The following FAM237A variants were observed in gnomAD, a reference collection of about 807,000 sequenced individuals.
FAM237A encodes the protein protein FAM237A.
In FAM237A, 14 loss-of-function variants were observed where a neutral mutation model predicts 12.5. The observed-to-expected ratio is 1.12, with a 90% CI of 0.74 to 1.75. The LOEUF (loss-of-function observed/expected upper bound fraction) is 1.75, where lower values mean the gene tolerates loss of function less well. FAM237A is among the 40% of genes most tolerant of loss of function. FAM237A has a pLI of 0.00. For missense variants in FAM237A, 240 were observed against 211.7 expected (o/e 1.13, Z -0.83); for synonymous variants, 85 against 77.5 (o/e 1.10, Z -0.51).
rs532883258 is a variant in FAM237A, at chr2:206,643,344, C to A, written c.-11+762C>A. The A allele has an allele frequency of 5.3e-5, 8 of 152,210 alleles. No homozygotes were observed. In the East Asian group the frequency reaches 1.5e-3, roughly 29 times the overall value. The allele number at this position is 152,210 out of a possible 1,614,324, so 9.4% of individuals were successfully genotyped here. A position where few individuals can be genotyped will look rare whatever the true frequency, so the allele number is the denominator to read the frequency against. On this transcript the variant is annotated intron_variant, in intron 1 of 2. Coordinates refer to ENST00000441223, the MANE Select transcript of FAM237A (RefSeq NM_001102659.3). ...TATAGTCTGTGAAGGAATATATACACTTTTTCTGGCAAAAAAAGTGAACAT... is the reference window on the plus strand; with the variant it reads ...TATAGTCTGTGAAGGAATATATACAATTTTTCTGGCAAAAAAAGTGAACAT...
At position 206,644,658 on chromosome 2, in the gene FAM237A, C is replaced by A; in HGVS notation, c.412+10C>A. 1 of 1,539,050 alleles carries A rather than the reference C, an allele frequency of 6.5e-7. No homozygotes were observed. The highest frequency in any genetic ancestry group is 8.7e-7 in the Non-Finnish European group (1 of 1,147,796). On this transcript the variant is annotated intron_variant, in intron 2 of 2. Coordinates refer to ENST00000441223, the MANE Select transcript of FAM237A (RefSeq NM_001102659.3). Reference sequence around the variant, plus strand: ...ACAAGGAGTAAACAAGGTGGTCAACCCCAGCTCCCATGTCTTTTGAAAGGG... The same window carrying A: ...ACAAGGAGTAAACAAGGTGGTCAACACCAGCTCCCATGTCTTTTGAAAGGG...
At chr2:206,646,154 T>A (rs527552144) in intron 2 of FAM237A, among the ~76,000 whole-genome samples, 1 of 152,104 alleles carries the variant, frequency 6.6e-6, no homozygotes, top group East Asian at 1.9e-4. Flanking sequence ...TACAAAAAAA[T>A]TAGCCGGATG....
Position 206,649,091 on chromosome 2 carries a change from T to C in FAM237A, c.*297T>C, listed in dbSNP as rs72958643. On this transcript the variant is annotated 3_prime_UTR_variant, in exon 3 of 3. Transcript: ENST00000441223. ...CTTTGTATTCATTTAATAGTTCATT[T>C]TGGGATGCTTGACATGTTAATAAAC... is the stretch of plus-strand genomic sequence containing the variant. 9,795 of 164,126 alleles carry C rather than the reference T, an allele frequency of 0.06. 396 individuals are homozygous for C. The highest frequency in any genetic ancestry group is 0.13 in the Admixed American group (2,106 of 15,610). 10.2% of individuals were successfully genotyped at this position (164,126 alleles called of 1,614,324 possible). A position where few individuals can be genotyped will look rare whatever the true frequency, so the allele number is the denominator to read the frequency against.
intron 1 of FAM237A, among the ~76,000 whole-genome samples, chr2:206,643,828 C>T (rs1449284532): frequency 3.3e-5 from 5 of 151,988 alleles, no homozygotes; most frequent in Non-Finnish European, 7.4e-5. Flanking sequence ...ATATATAAGT[C>T]CTAGATTAGG....
chr2:206,648,965 T>C lies in FAM237A; in HGVS notation c.*171T>C. The C allele has an allele frequency of 5.3e-6, 2 of 377,810 alleles. No homozygotes were observed. The allele number at this position is 377,810 out of a possible 1,614,324, so 23.4% of individuals were successfully genotyped here. A position where few individuals can be genotyped will look rare whatever the true frequency, so the allele number is the denominator to read the frequency against. ...AGCTGCCTTCTATTATTTATTTATT[T>C]ATTTTAGGCTGCTAGCATGTTTCTT... On this transcript the variant is annotated 3_prime_UTR_variant, in exon 3 of 3. Coordinates refer to ENST00000441223, the MANE Select transcript of FAM237A (RefSeq NM_001102659.3).
chr2:206,646,566 G>T (rs1394348366), intron 2 of FAM237A, among the ~76,000 whole-genome samples: 1 of 152,144 alleles, frequency 6.6e-6, no homozygotes, highest in Non-Finnish European at 1.5e-5. Flanking sequence ...TTAGGGAGTT[G>T]GTATGCAAGT....
In FAM237A at chr2:206,648,798, G is replaced by A. The variant is rs186003539; in HGVS notation, c.*4G>A. ...CCTGGAAATAAAGAGAAAATAAATT[G>A]AACTCGGAGCTAATTCATGCCTTGG... On this transcript the variant is annotated 3_prime_UTR_variant, in exon 3 of 3. Coordinates refer to ENST00000441223, the MANE Select transcript of FAM237A (RefSeq NM_001102659.3). 429 of 1,527,300 alleles carry A rather than the reference G, an allele frequency of 2.8e-4. 6 individuals are homozygous for A. The East Asian group carries it at 6.6e-3, about 24-fold the overall frequency. The allele number at this position is 1,527,300 out of a possible 1,614,324, so 94.6% of individuals were successfully genotyped here. A position where few individuals can be genotyped will look rare whatever the true frequency, so the allele number is the denominator to read the frequency against.
chr2:206,645,944 C>A (rs555778091), intron 2 of FAM237A, among the ~76,000 whole-genome samples: 2 of 150,658 alleles, frequency 1.3e-5, no homozygotes, highest in Admixed American at 6.5e-5. Context: ...CCAGTACAGA[C>A]CATGGTTTTT....
At chr2:206,647,473 T>G (rs1368439620) in intron 2 of FAM237A, among the ~76,000 whole-genome samples, 1 of 152,082 alleles carries the variant, frequency 6.6e-6, no homozygotes, top group Non-Finnish European at 1.5e-5. Context: ...CCTCTAAAGA[T>G]CATTGTTATT....
At chr2:206,647,784 A>G (rs553652251) in intron 2 of FAM237A, among the ~76,000 whole-genome samples, 2 of 152,230 alleles carry the variant, frequency 1.3e-5, no homozygotes, top group African/African-American at 4.8e-5. Flanking sequence ...ATTTTGAAGT[A>G]CATTCTTCTT....
At position 206,642,903 on chromosome 2, in the gene FAM237A, A is replaced by T. The variant is rs1699271724; in HGVS notation, c.-11+321A>T. On this transcript the variant is annotated intron_variant, in intron 1 of 2. Coordinates refer to ENST00000441223, the MANE Select transcript of FAM237A (RefSeq NM_001102659.3). The surrounding 1 kb of genome is among the most constrained non-coding windows in gnomAD (Gnocchi z 5.1). ...CTTAGACTTGTCCTTTAGGAAAACC[A>T]CCCTTTGAGGTACCTCGATATTTTA... 6.6e-6 allele frequency among the ~76,000 whole-genome samples: 1 copy of T among 152,158 alleles called. No homozygotes were observed. The highest frequency in any genetic ancestry group is 1.5e-5 in the Non-Finnish European group (1 of 68,034).
Position 206,647,293 on chromosome 2 carries a change from C to T in FAM237A, c.413-1368C>T, listed in dbSNP as rs917563653. Among the ~76,000 whole-genome samples the T allele has an allele frequency of 5.3e-5, 8 of 152,198 alleles. No homozygotes were observed. In the South Asian group the frequency reaches 8.3e-4, roughly 16 times the overall value. ...ACTGTGATTCTATAAAAAAAAGAAACGTATGAAAGGCACTTATTTAACTAT... is the reference window on the plus strand; with the variant it reads ...ACTGTGATTCTATAAAAAAAAGAAATGTATGAAAGGCACTTATTTAACTAT... On this transcript the variant is annotated intron_variant, in intron 2 of 2. Coordinates refer to ENST00000441223, the MANE Select transcript of FAM237A (RefSeq NM_001102659.3).
In FAM237A at chr2:206,644,474, A is replaced by C. The variant is rs1334763977; in HGVS notation, c.238A>C (p.Lys80Gln). The C allele has an allele frequency of 6.2e-7, 1 of 1,613,998 alleles. No homozygotes were observed. The highest frequency in any genetic ancestry group is 1.3e-5 in the African/African-American group (1 of 75,042). ...SGFWDFMIYL[K>Q]SSENLKHGAL... ...CTTCTGGGATTTTATGATCTACCTG[A>C]AGTCATCTGAGAACTTGAAGCATGG... is the stretch of plus-strand genomic sequence containing the variant. The change falls in exon 2 of 3, where the codon AAG becomes CAG. Residue 80 changes from lysine to glutamine, a missense_variant. By Grantham distance (53) the Lys-to-Gln change is moderately conservative. Transcript: ENST00000441223.
chr2:206,644,750 T>G, intron 2 of FAM237A, 102 bp downstream of exon 2: 1 of 1,162,558 alleles, frequency 8.6e-7, no homozygotes, highest in Non-Finnish European at 1.2e-6. Context: ...TCCAGTGTCA[T>G]ATATATTCCT....
intron 1 of FAM237A, 112 bp from the exon 2 acceptor site, chr2:206,644,115 T>C: frequency 9.8e-7 from 1 of 1,018,408 alleles, no homozygotes; most frequent in Non-Finnish European, 1.4e-6. Flanking sequence ...CCCTACTTTG[T>C]GACAATGATG....
At chr2:206,646,609 T>C (rs986665577) in intron 2 of FAM237A, among the ~76,000 whole-genome samples, 1 of 152,204 alleles carries the variant, frequency 6.6e-6, no homozygotes, top group African/African-American at 2.4e-5. Context: ...TTTCACTTTA[T>C]TGAGATTATT....
At chr2:206,645,485 C>A (rs930694238) in intron 2 of FAM237A, among the ~76,000 whole-genome samples, 18 of 152,054 alleles carry the variant, frequency 1.2e-4, no homozygotes, top group African/African-American at 4.1e-4. Flanking sequence ...TTATCAAGGG[C>A]TGTTTGAGTG....
At chr2:206,644,694 A>G in intron 2 of FAM237A, 46 bp downstream of exon 2, 1 of 1,479,056 alleles carries the variant, frequency 6.8e-7, no homozygotes, top group Non-Finnish European at 9.0e-7. Flanking sequence ...TCAATCAAGT[A>G]TGAATGTGCT....
intron 1 of FAM237A, 133 bp from the exon 2 acceptor site, chr2:206,644,094 G>T: frequency 1.2e-6 from 1 of 848,384 alleles, no homozygotes; most frequent in Non-Finnish European, 1.7e-6. Context: ...ATGGGAGCTT[G>T]GCTAAGATTT....
Sources: allele counts gnomAD v4.1 joint callset (sites outside exome capture counted in the v4.1 genomes callset), GRCh38; gene constraint gnomAD v4.1.1; non-coding constraint Gnocchi (gnomAD v3.1); transcripts MANE v1.5; gene names NCBI Gene and HGNC (gene_info 2026-07-23, HGNC 2026-07-21).